CA10: variants seen among roughly 807,000 people sequenced by gnomAD.
CA10 encodes carbonic anhydrase 10 (inactive).
Under a neutral mutation model 44.2 loss-of-function variants are expected in CA10, and 14 were observed. That is an observed-to-expected ratio of 0.32 (90% CI 0.21 to 0.50). The LOEUF is 0.50. Among genes scored for constraint, CA10 ranks in the 20% least tolerant of loss-of-function variants. The pLI is 0.99. For synonymous variants in CA10, 159 were observed against 141.6 expected, an observed-to-expected ratio of 1.12 and a Z score of -0.87; for missense variants, 350 against 409.7, an observed-to-expected ratio of 0.85 and a Z score of 1.26.
chr17:51,849,207 A>G (rs2047673), intron 3 of CA10, among the ~76,000 whole-genome samples: 7,841 of 35,652 alleles, frequency 0.22, 560 homozygotes, highest in Non-Finnish European at 0.26. Flanking sequence ...ACATATATGT[A>G]TATATATATA....
At chr17:51,660,388 C>T (rs1289489541) in intron 4 of CA10, among the ~76,000 whole-genome samples, 1 of 152,218 alleles carries the variant, frequency 6.6e-6, no homozygotes, top group African/African-American at 2.4e-5. Flanking sequence ...GGTAACTCAG[C>T]TTTCAAGCTA....
intron 3 of CA10, among the ~76,000 whole-genome samples, chr17:51,840,404 A>G (rs1280230765): frequency 2.6e-5 from 4 of 152,020 alleles, no homozygotes; most frequent in Non-Finnish European, 5.9e-5. Flanking sequence ...TGATTGCATT[A>G]TATTAGGGCA....
intron 2 of CA10, among the ~76,000 whole-genome samples, chr17:52,064,362 A>G (rs1027220062): frequency 1.3e-5 from 2 of 152,176 alleles, no homozygotes; most frequent in South Asian, 4.1e-4. Flanking sequence ...ATTTTAAACT[A>G]CTAAATAAAT....
chr17:51,995,333 T>G (rs1985194716), intron 2 of CA10, among the ~76,000 whole-genome samples: 1 of 152,072 alleles, frequency 6.6e-6, no homozygotes, highest in Admixed American at 6.6e-5. Context: ...TTTTATGTTG[T>G]GCTTCACGTA....
intron 1 of CA10, among the ~76,000 whole-genome samples, chr17:52,156,845 G>A (rs1300493347): frequency 1.3e-5 from 2 of 152,130 alleles, no homozygotes; most frequent in Non-Finnish European, 2.9e-5. Context: ...AATGGGAGGA[G>A]CCACTGAACT....
At chr17:51,881,114 C>A (rs1044839163) in intron 3 of CA10, among the ~76,000 whole-genome samples, 36 of 151,882 alleles carry the variant, frequency 2.4e-4, no homozygotes, top group East Asian at 1.6e-3. Flanking sequence ...GTGGCTGGCG[C>A]CTGTAGTCCC....
intron 2 of CA10, among the ~76,000 whole-genome samples, chr17:52,040,110 T>C (rs1986726632): frequency 6.6e-6 from 1 of 151,166 alleles, no homozygotes; most frequent in Non-Finnish European, 1.5e-5. Context: ...ATATTCTTTA[T>C]AAAATTAAGA....
At chr17:51,958,316 G>A (rs1983747056) in intron 2 of CA10, among the ~76,000 whole-genome samples, 1 of 151,100 alleles carries the variant, frequency 6.6e-6, no homozygotes, top group South Asian at 2.1e-4. Context: ...AGAGATCTTA[G>A]GTTCAATTCC....
intron 6 of CA10, among the ~76,000 whole-genome samples, chr17:51,638,724 T>C (rs910602829): frequency 4.6e-5 from 7 of 152,142 alleles, no homozygotes; most frequent in Admixed American, 3.3e-4. Context: ...TAAATCTGCA[T>C]TGGGCCCAGA....
chr17:51,808,920 A>G (rs1034133705), intron 3 of CA10, among the ~76,000 whole-genome samples: 2 of 152,212 alleles, frequency 1.3e-5, no homozygotes, highest in African/African-American at 2.4e-5. Flanking sequence ...TTTGAAGACA[A>G]ACAAAATTCA....
At position 51,738,667 on chromosome 17, in the gene CA10, T is replaced by C. The variant is rs758664370; in HGVS notation, c.465+8966A>G. On this transcript the variant is annotated intron_variant, in intron 4 of 8. Transcript: ENST00000451037. ...TGGATGCTCATCATGGCTTATGTTT[T>C]GTGAAATAATCTCCCAATGTCTTTG... Among the ~76,000 whole-genome samples the C allele has an allele frequency of 5.3e-5, 8 of 152,168 alleles. 1 individual carries two copies. Among genetic ancestry groups the C allele is most frequent in the Non-Finnish European group, 1.0e-4 (7 of 68,030 alleles).
intron 3 of CA10, among the ~76,000 whole-genome samples, chr17:51,752,360 C>T (rs984180148): frequency 2.0e-5 from 3 of 151,836 alleles, no homozygotes; most frequent in African/African-American, 7.3e-5. Flanking sequence ...GGAAACAAAA[C>T]AGAATGGAGA....
At chr17:51,811,369 C>T (rs1907360018) in intron 3 of CA10, among the ~76,000 whole-genome samples, 1 of 152,076 alleles carries the variant, frequency 6.6e-6, no homozygotes, top group Non-Finnish European at 1.5e-5. Flanking sequence ...ATACATGTGT[C>T]ATGTTGGTTT....
At chr17:51,785,469 A>T (rs2143686205) in intron 3 of CA10, among the ~76,000 whole-genome samples, 1 of 152,352 alleles carries the variant, frequency 6.6e-6, no homozygotes, top group African/African-American at 2.4e-5. Context: ...ACAGTGAGAT[A>T]TCATCTCACC....
rs1356697856 is a variant in CA10, at chr17:51,974,026, C to T, written c.137-42894G>A. Among the ~76,000 whole-genome samples, 11 of 151,994 alleles carry T rather than the reference C, an allele frequency of 7.2e-5. 1 individual carries two copies. ...TATTTCCTTGATGAGATTATATAAT[C>T]TCATTAAAGAAAAACTACAAAAAAG... On this transcript the variant is annotated intron_variant, in intron 2 of 8. Transcript: ENST00000451037.
chr17:52,085,181 T>A (rs1988085677), intron 1 of CA10, among the ~76,000 whole-genome samples: 1 of 152,210 alleles, frequency 6.6e-6, no homozygotes, highest in Non-Finnish European at 1.5e-5. Flanking sequence ...TGACTCTACT[T>A]CTGCTATAGC....
At chr17:51,901,591 TG>T (rs750417083) in intron 3 of CA10, among the ~76,000 whole-genome samples, 3 of 151,944 alleles carry the variant, frequency 2.0e-5, no homozygotes, top group Non-Finnish European at 2.9e-5. Context: ...GCACTGGCAG[TG>T]GTGGTGGTGT....
chr17:51,831,733 A>AGCCGCCGCCGCCGCAGC (rs1567854687), intron 3 of CA10, among the ~76,000 whole-genome samples: 3 of 121,522 alleles, frequency 2.5e-5, no homozygotes, highest in African/African-American at 8.3e-5. Context: ...GCAGCAGCAG[A>AGCCGCCGCCGCCGCAGC]AAAAGACCTT....
At chr17:52,154,200 G>T (rs1401902888) in intron 1 of CA10, among the ~76,000 whole-genome samples, 1 of 152,072 alleles carries the variant, frequency 6.6e-6, no homozygotes, top group Non-Finnish European at 1.5e-5. Flanking sequence ...AAAAATATTT[G>T]AAAGGAATCT....
Sources: allele counts gnomAD v4.1 joint callset (sites outside exome capture counted in the v4.1 genomes callset), GRCh38; gene constraint gnomAD v4.1.1; transcripts MANE v1.5; gene names NCBI Gene and HGNC (gene_info 2026-07-23, HGNC 2026-07-21).